CELF3: variants seen among roughly 807,000 people sequenced by gnomAD.
The protein encoded by CELF3 is CUGBP Elav-like family member 3, also known as CAG repeat domain.
In CELF3, 26 loss-of-function variants were observed where a neutral mutation model predicts 59.6. The observed-to-expected ratio is 0.44, with a 90% confidence interval of 0.32 to 0.61. CELF3 has a LOEUF of 0.61. Ranked by LOEUF, CELF3 falls within the 20% of genes least tolerant of loss-of-function variation. The probability of loss-of-function intolerance (pLI) is 0.06; values close to 1 mark genes in which losing one functional copy is unlikely to be tolerated. For missense variants in CELF3, 387 were observed against 627.2 expected, an observed-to-expected ratio of 0.62 and a Z score of 4.09; for synonymous variants, 245 against 250.7, an observed-to-expected ratio of 0.98 and a Z score of 0.22.
rs115951146 is a variant in CELF3, at chr1:151,716,211, A to C, written c.-191T>G. On this transcript the variant is annotated 5_prime_UTR_variant, in exon 1 of 13. Coordinates refer to ENST00000290583, the MANE Select transcript of CELF3 (RefSeq NM_007185.7). The stretch of plus-strand genomic sequence containing the variant: ...AAGGAGGCCCAGGGAGTTGAGTGCT[A>C]GGGGTCAGGGGTCTAGGCAGACGCT... 2,707 of 571,940 alleles carry C rather than the reference A, an allele frequency of 4.7e-3. 60 individuals are homozygous for C. Among genetic ancestry groups the C allele is most frequent in the African/African-American group, 0.046 (2,442 of 53,500 alleles). The allele number at this position is 571,940 out of a possible 1,614,324, so 35.4% of individuals were successfully genotyped here. A position where few individuals can be genotyped will look rare whatever the true frequency, so the allele number is the denominator to read the frequency against.
At chr1:151,710,884 G>A (rs1297957073) in intron 2 of CELF3, 1 of 455,314 alleles carries the variant, frequency 2.2e-6, no homozygotes, top group African/African-American at 2.0e-5. Flanking sequence ...TATAGGAACT[G>A]GAGAAAGAGG....
Position 151,706,663 on chromosome 1 carries a change from C to T in CELF3, c.988+6G>A. 1 of 1,551,304 alleles carries T rather than the reference C, an allele frequency of 6.4e-7. No homozygotes were observed. Among genetic ancestry groups the T allele is most frequent in the Admixed American group, 2.0e-5 (1 of 51,008 alleles). ...CTGAGCAGGGGCCCTGGCTAGGGCG[C>T]CTCACCTGTGTAGTGCTGCATCCCC... On this transcript the variant is annotated splice_donor_region_variant and intron_variant, in intron 9 of 12. Coordinates refer to ENST00000290583, the MANE Select transcript of CELF3 (RefSeq NM_007185.7).
rs1036748701 is a variant in CELF3 at position 151,703,267 on chromosome 1, G to T, written c.*192C>A. The T allele has an allele frequency of 2.2e-6, 1 of 457,134 alleles. No homozygotes were observed. The highest frequency in any genetic ancestry group is 4.4e-6 in the Non-Finnish European group (1 of 227,234). 28.3% of individuals were successfully genotyped at this position (457,134 alleles called of 1,614,324 possible). A position where few individuals can be genotyped will look rare whatever the true frequency, so the allele number is the denominator to read the frequency against. On this transcript the variant is annotated 3_prime_UTR_variant, in exon 13 of 13. Coordinates refer to ENST00000290583, the MANE Select transcript of CELF3 (RefSeq NM_007185.7). ...GAAATGGGCCCTTGGAGCCAGGGAA[G>T]CATAGCCATGGCCCTTCAGAGAGGC...
intron 1 of CELF3, chr1:151,715,639 T>G (rs1480610915): frequency 6.7e-7 from 1 of 1,492,972 alleles, no homozygotes; most frequent in Non-Finnish European, 8.9e-7. Flanking sequence ...GGGATCCACA[T>G]CTTTGCAGCC....
chr1:151,711,196 G>T (rs770386866), intron 2 of CELF3: 56 of 236,248 alleles, frequency 2.4e-4, no homozygotes, highest in Admixed American at 3.5e-4. Context: ...AAACAAGGGG[G>T]TGGGCCAGGC....
rs762626177 is a variant in CELF3 at position 151,707,584 on chromosome 1, A to G, written c.695T>C (p.Met232Thr). ...HSAYLSPMAT[M>T]AAVQMQHMAA... ...CATGTGCTGCATCTGCACGGCAGCC[A>G]TGGTGGCCATGGGGCTGAGGTAGGC... Residue 232 changes from methionine (M) to threonine (T), a missense_variant, in exon 7 of 13, where the codon ATG (methionine) becomes ACG (threonine). Physicochemically the swap from Met to Thr is moderately conservative, Grantham distance 81. Transcript: ENST00000290583. The G allele has an allele frequency of 6.2e-7, 1 of 1,609,060 alleles. No individual in the cohort carries two copies. The highest frequency in any genetic ancestry group is 1.3e-5 in the African/African-American group (1 of 74,902).
chr1:151,703,409 AAG>A lies in CELF3; in HGVS notation c.*48_*49del, dbSNP rs111826137. 1.0e-2 allele frequency: 3,834 copies of A among 383,472 alleles called. 128 individuals are homozygous for A. Among genetic ancestry groups the A allele is most frequent in the African/African-American group, 0.075 (3,573 of 47,954 alleles). 23.8% of individuals were successfully genotyped at this position (383,472 alleles called of 1,614,324 possible). A position where few individuals can be genotyped will look rare whatever the true frequency, so the allele number is the denominator to read the frequency against. ...GGAGAGGGCCGGGGCCAGTCGTGGGAAGAGGGTGTGAGGCGCCCCTTCCTCTG... is the reference window on the plus strand; with the variant it reads ...GGAGAGGGCCGGGGCCAGTCGTGGGAAGGGTGTGAGGCGCCCCTTCCTCTG... On this transcript the variant is annotated 3_prime_UTR_variant, in exon 13 of 13. Coordinates refer to ENST00000290583, the MANE Select transcript of CELF3 (RefSeq NM_007185.7).
rs3466 is a variant in CELF3, at chr1:151,700,182, C to T, written c.*3277G>A. 0.31 allele frequency among the ~76,000 whole-genome samples: 47,657 copies of T among 151,922 alleles called. 9,746 individuals carry two copies. The highest frequency in any genetic ancestry group is 0.48 in the Non-Finnish European group (32,425 of 67,936). On this transcript the variant is annotated 3_prime_UTR_variant, in exon 13 of 13. Transcript: ENST00000290583. ...AAACATTTCTGCCAGCTTACAGGCTCACAGAAGAATGAGACACTTACGCAT... is the reference window on the plus strand; with the variant it reads ...AAACATTTCTGCCAGCTTACAGGCTTACAGAAGAATGAGACACTTACGCAT...
In CELF3 at chr1:151,703,403, C is replaced by T. The variant is rs534936382; in HGVS notation, c.*56G>A. The T allele has an allele frequency of 1.2e-4, 48 of 387,202 alleles. No homozygotes were observed. Among genetic ancestry groups the T allele is most frequent in the Middle Eastern group, 1.7e-3 (2 of 1,174 alleles). 24.0% of individuals were successfully genotyped at this position (387,202 alleles called of 1,614,324 possible). A position where few individuals can be genotyped will look rare whatever the true frequency, so the allele number is the denominator to read the frequency against. Reference sequence around the variant, plus strand: ...GTGTGCGGAGAGGGCCGGGGCCAGTCGTGGGAAGAGGGTGTGAGGCGCCCC... The same window carrying T: ...GTGTGCGGAGAGGGCCGGGGCCAGTTGTGGGAAGAGGGTGTGAGGCGCCCC... On this transcript the variant is annotated 3_prime_UTR_variant, in exon 13 of 13. Coordinates refer to ENST00000290583, the MANE Select transcript of CELF3 (RefSeq NM_007185.7).
chr1:151,704,051 G>T (rs1672305192), intron 12 of CELF3, among the ~76,000 whole-genome samples: 1 of 152,184 alleles, frequency 6.6e-6, no homozygotes, highest in Non-Finnish European at 1.5e-5. Context: ...TTGGGCTTGG[G>T]GGTGCTTCCC....
intron 12 of CELF3, among the ~76,000 whole-genome samples, chr1:151,703,797 G>A (rs896481678): frequency 6.6e-6 from 1 of 152,124 alleles, no homozygotes; most frequent in African/African-American, 2.4e-5. Flanking sequence ...AGAGAAGGGG[G>A]TGCGTGTAAG....
intron 2 of CELF3, chr1:151,710,814 G>T (rs897388268): frequency 6.6e-6 from 3 of 456,370 alleles, no homozygotes; most frequent in African/African-American, 2.0e-5. Context: ...GTTCTTGTCT[G>T]GTGAGAGGAC....
chr1:151,712,064 T>C (rs1469766508), intron 2 of CELF3: 1 of 152,482 alleles, frequency 6.6e-6, no homozygotes, highest in Non-Finnish European at 1.5e-5. Flanking sequence ...CCAGCCTCCT[T>C]CTTCGTGGCC....
At position 151,706,249 on chromosome 1, in the gene CELF3, C is replaced by G; in HGVS notation, c.1101G>C (p.Gln367His). 1 of 1,430,588 alleles carries G rather than the reference C, an allele frequency of 7.0e-7. No individual in the cohort carries two copies. 88.6% of individuals were successfully genotyped at this position (1,430,588 alleles called of 1,614,324 possible). A position where few individuals can be genotyped will look rare whatever the true frequency, so the allele number is the denominator to read the frequency against. ...CTTCTCTTTGCTGCTGCTGCTGTTG[C>G]TGCTGCTGCTGCTGCTGCTGCTGTT... ...PPQQQQQQQQ[Q>H]QQQQQQREGP... Residue 367 changes from glutamine (Q) to histidine (H), a missense_variant, in exon 10 of 13, where the codon CAG (glutamine) becomes CAC (histidine). Physicochemically the swap from Gln to His is conservative, Grantham distance 24. Around this residue, in one of 3 missense-constraint regions of CELF3, gnomAD observed 131 missense variants for 153.7 expected, o/e 0.85. Transcript: ENST00000290583.
chr1:151,714,821 AG>A, intron 1 of CELF3, 145 bp from the exon 2 acceptor site: 1 of 645,726 alleles, frequency 1.5e-6, no homozygotes, highest in Non-Finnish European at 2.7e-6. Context: ...GGTGTCTCCA[AG>A]GGGTAGACTC....
chr1:151,702,975 A>G lies in CELF3; in HGVS notation c.*484T>C. 2.9e-6 allele frequency: 1 copy of G among 342,948 alleles called. No homozygotes were observed. Among genetic ancestry groups the G allele is most frequent in the Middle Eastern group, 1.1e-3 (1 of 918 alleles). 21.2% of individuals were successfully genotyped at this position (342,948 alleles called of 1,614,324 possible). On this transcript the variant is annotated 3_prime_UTR_variant, in exon 13 of 13. Coordinates refer to ENST00000290583, the MANE Select transcript of CELF3 (RefSeq NM_007185.7). Reference sequence around the variant, plus strand: ...CAGGAATCAGGGATATCCTACCTCTAGCTGAGGGTGGAGGGGAGTGAGAGC... The same window carrying G: ...CAGGAATCAGGGATATCCTACCTCTGGCTGAGGGTGGAGGGGAGTGAGAGC...
Position 151,706,208 on chromosome 1 carries a change from A to G in CELF3, c.1126+16T>C. 6.2e-7 allele frequency: 1 copy of G among 1,611,498 alleles called. No homozygotes were observed. ...ATAACGAGGGCATTCCTGTCTCCCAAGGCCCCAGCCAGCACCTTCTCTTTG... is the reference window on the plus strand; with the variant it reads ...ATAACGAGGGCATTCCTGTCTCCCAGGGCCCCAGCCAGCACCTTCTCTTTG... On this transcript the variant is annotated intron_variant, in intron 10 of 12. Transcript: ENST00000290583.
Position 151,707,814 on chromosome 1 carries a change from G to A in CELF3, c.608C>T (p.Ala203Val), listed in dbSNP as rs758667992. The A allele has an allele frequency of 1.2e-6, 2 of 1,613,618 alleles. No individual in the cohort carries two copies. Among genetic ancestry groups the A allele is most frequent in the Non-Finnish European group, 1.7e-6 (2 of 1,179,706 alleles). ...CACGGCCTGGGTGTAGGCGCTGTAG[G>A]CTCCAAACTGGAGGGCGATGGGGCT... The part of the protein sequence containing the change: ...MFSPIALQFG[A>V]YSAYTQALMQ... Residue 203 changes from alanine to valine, a missense_variant, in exon 6 of 13, where the codon GCC (alanine) becomes GTC (valine). Ala to Val is a moderately conservative substitution (Grantham distance 64). Coordinates refer to ENST00000290583, the MANE Select transcript of CELF3 (RefSeq NM_007185.7).
At chr1:151,706,441 C>T in intron 9 of CELF3, 80 bp from the exon 10 acceptor site, 1 of 1,422,464 alleles carries the variant, frequency 7.0e-7, no homozygotes. Flanking sequence ...CTCCCTTCCC[C>T]TAGCCCAGGC....
Sources: allele counts gnomAD v4.1 joint callset (sites outside exome capture counted in the v4.1 genomes callset), GRCh38; gene constraint gnomAD v4.1.1; regional missense constraint gnomAD v4.1.1; transcripts MANE v1.5; gene names NCBI Gene and HGNC (gene_info 2026-07-23, HGNC 2026-07-21).